Variants in ACYP2 observed in about 807,000 individuals in gnomAD.
ACYP2 encodes the protein acylphosphatase-2.
A neutral mutation model predicts 11.2 loss-of-function variants in ACYP2; 12 were observed. The observed-to-expected ratio is 1.08, with a 90% CI of 0.69 to 1.74. ACYP2 has a LOEUF of 1.74. ACYP2 is among the 40% of genes most tolerant of loss of function. ACYP2 has a pLI of 0.00. For synonymous variants in ACYP2, 43 were observed against 32.2 expected (o/e 1.33, Z -1.13); for missense variants, 134 against 101.9 (o/e 1.31, Z -1.35).
chr2:54,262,944 G>A (rs1424105055), intron 6 of ACYP2, among the ~76,000 whole-genome samples: 1 of 152,166 alleles, frequency 6.6e-6, no homozygotes, highest in African/African-American at 2.4e-5. Flanking sequence ...TAGAAGCTGG[G>A]TGTAGTGGCT....
At position 54,179,307 on chromosome 2, in the gene ACYP2, G is replaced by C. The variant is rs1572896393; in HGVS notation, c.404+40559G>C. Among the ~76,000 whole-genome samples, 3 of 152,212 alleles carry C rather than the reference G, an allele frequency of 2.0e-5. No homozygotes were observed. In the South Asian group the frequency reaches 6.2e-4, roughly 32 times the overall value. ...CAAGCAAGCAATTAGTTTTGTAGCA[G>C]ATACCAACTGGATATCCTCCAATTC... On this transcript the variant is annotated intron_variant, in intron 6 of 6. Transcript: ENST00000607452.
rs1466830970 is a variant in ACYP2, at chr2:54,144,917, G to T, written c.404+6169G>T. ...ATTTCCTCTTCTTTCTTTGTTTGTT[G>T]CTCCTCTAAGTCTTCAACATGAGTC... On this transcript the variant is annotated intron_variant, in intron 6 of 6. Coordinates refer to ENST00000607452, the MANE Select transcript of ACYP2 (RefSeq NM_001320586.2). Among the ~76,000 whole-genome samples, 8 of 151,836 alleles carry T rather than the reference G, an allele frequency of 5.3e-5. No individual in the cohort carries two copies. In the East Asian group the frequency reaches 1.6e-3, roughly 29 times the overall value.
chr2:54,251,807 T>G (rs1687239205), intron 6 of ACYP2, among the ~76,000 whole-genome samples: 1 of 152,202 alleles, frequency 6.6e-6, no homozygotes. Flanking sequence ...ATAATAGAGA[T>G]GTCTCCCTTC....
intron 6 of ACYP2, among the ~76,000 whole-genome samples, chr2:54,264,200 C>G (rs1326930672): frequency 6.6e-6 from 1 of 152,100 alleles, no homozygotes; most frequent in African/African-American, 2.4e-5. Context: ...GGAGTGAAGC[C>G]GCAGACCTTC....
intron 5 of ACYP2, among the ~76,000 whole-genome samples, chr2:54,138,283 C>T (rs183537788): frequency 1.3e-5 from 2 of 151,904 alleles, no homozygotes; most frequent in Admixed American, 1.3e-4. Flanking sequence ...GATTTGGAAC[C>T]CAGGTTAACA....
chr2:53,981,854 A>G (rs1671780116), intron 2 of ACYP2, among the ~76,000 whole-genome samples: 1 of 152,224 alleles, frequency 6.6e-6, no homozygotes. Context: ...ATCGCCTAAC[A>G]ATACATTTCT....
At chr2:54,252,648 T>C (rs1283333218) in intron 6 of ACYP2, among the ~76,000 whole-genome samples, 1 of 152,224 alleles carries the variant, frequency 6.6e-6, no homozygotes, top group Non-Finnish European at 1.5e-5. Flanking sequence ...ATTATACCAT[T>C]GGCATAAAAT....
At chr2:54,214,729 T>C (rs1209854786) in intron 6 of ACYP2, among the ~76,000 whole-genome samples, 1 of 152,220 alleles carries the variant, frequency 6.6e-6, no homozygotes, top group Non-Finnish European at 1.5e-5. Flanking sequence ...TTGCTTTGGC[T>C]ATTCAAACAT....
intron 6 of ACYP2, among the ~76,000 whole-genome samples, chr2:54,178,690 A>T (rs1293259828): frequency 1.3e-5 from 2 of 152,210 alleles, no homozygotes; most frequent in Non-Finnish European, 2.9e-5. Context: ...GAAAAATACA[A>T]AGCATTTAGT....
At chr2:54,205,595 C>A (rs1469149815) in intron 6 of ACYP2, among the ~76,000 whole-genome samples, 1 of 152,206 alleles carries the variant, frequency 6.6e-6, no homozygotes, top group Non-Finnish European at 1.5e-5. Context: ...AGCTCTTCCA[C>A]AAAGGGCCTA....
chr2:54,053,262 G>C (rs1675958098), intron 3 of ACYP2, among the ~76,000 whole-genome samples: 1 of 151,980 alleles, frequency 6.6e-6, no homozygotes, highest in Non-Finnish European at 1.5e-5. Flanking sequence ...CTCTGCATAG[G>C]CATGCTGGGG....
chr2:54,172,394 C>T (rs1683255463), intron 6 of ACYP2, among the ~76,000 whole-genome samples: 1 of 151,996 alleles, frequency 6.6e-6, no homozygotes, highest in Non-Finnish European at 1.5e-5. Flanking sequence ...ACATTTGTAC[C>T]AACTGAAGTG....
chr2:54,238,152 C>T (rs1169538770), intron 6 of ACYP2, among the ~76,000 whole-genome samples: 2 of 152,142 alleles, frequency 1.3e-5, no homozygotes. Flanking sequence ...TCATCCAGAC[C>T]TCTCCTCTCC....
At chr2:54,201,617 TTTCTTTG>T in intron 6 of ACYP2, among the ~76,000 whole-genome samples, 1 of 85,816 alleles carries the variant, frequency 1.2e-5, no homozygotes, top group Non-Finnish European at 2.4e-5. Context: ...TCTTTCTTTC[TTTCTTTG>T]TTTCTTTCTT....
chr2:54,255,063 G>T (rs980132216), intron 6 of ACYP2: 1 of 1,614,058 alleles, frequency 6.2e-7, no homozygotes, highest in Admixed American at 1.7e-5. Context: ...GAGCAATCCT[G>T]TCGGACTCTG....
chr2:53,988,158 A>T (rs1160064803), intron 2 of ACYP2, among the ~76,000 whole-genome samples: 1 of 152,156 alleles, frequency 6.6e-6, no homozygotes, highest in African/African-American at 2.4e-5. Flanking sequence ...TGAGTCCAGG[A>T]GTTCAAGACC....
intron 6 of ACYP2, among the ~76,000 whole-genome samples, chr2:54,246,157 G>A (rs1572986218): frequency 6.6e-6 from 1 of 151,964 alleles, no homozygotes; most frequent in South Asian, 2.1e-4. Flanking sequence ...GTCAAAAATG[G>A]GTTGCCTGTA....
chr2:54,220,216 A>G (rs2103948511), intron 6 of ACYP2, among the ~76,000 whole-genome samples: 1 of 152,232 alleles, frequency 6.6e-6, no homozygotes, highest in African/African-American at 2.4e-5. Flanking sequence ...TTCTGTTATC[A>G]TTACAGCATA....
intron 4 of ACYP2, among the ~76,000 whole-genome samples, chr2:54,127,739 C>G (rs947206381): frequency 3.8e-5 from 4 of 105,028 alleles, no homozygotes; most frequent in African/African-American, 8.4e-5. Context: ...GGCAACAGAG[C>G]GAGACTGTCT....
Sources: allele counts gnomAD v4.1 joint callset (sites outside exome capture counted in the v4.1 genomes callset), GRCh38; gene constraint gnomAD v4.1.1; transcripts MANE v1.5; gene names NCBI Gene and HGNC (gene_info 2026-07-23, HGNC 2026-07-21).